The following DNTT variants were observed in gnomAD, a reference collection of about 807,000 sequenced individuals.
DNTT encodes the protein DNA nucleotidylexotransferase, also known as nucleosidetriphosphate:DNA deoxynucleotidylexotransferase.
A neutral mutation model predicts 60.9 loss-of-function variants in DNTT; 47 were observed. That is an observed-to-expected ratio of 0.77 (90% CI 0.61 to 0.98). The LOEUF (loss-of-function observed/expected upper bound fraction) is 0.98, where lower values mean the gene tolerates loss of function less well. DNTT is among the 50% of genes least tolerant of loss of function. The pLI, the probability that DNTT is intolerant of heterozygous loss-of-function variation, is 0.00. For missense variants in DNTT, 665 were observed against 627.5 expected, an observed-to-expected ratio of 1.06 and a Z score of -0.64; for synonymous variants, 224 against 221.2, an observed-to-expected ratio of 1.01 and a Z score of -0.11.
chr10:96,338,354 T>C lies in DNTT; in HGVS notation c.*130T>C. ...TTGAAATGCAGATTGCTACTAGAAA[T>C]AAATAACTTTGGAAACATGGGAAGG... On this transcript the variant is annotated 3_prime_UTR_variant, in exon 11 of 11. Coordinates refer to ENST00000371174, the MANE Select transcript of DNTT (RefSeq NM_004088.4). 1.3e-6 allele frequency: 1 copy of C among 794,680 alleles called. No individual in the cohort carries two copies. The highest frequency in any genetic ancestry group is 2.1e-5 in the South Asian group (1 of 48,562). 49.2% of individuals were successfully genotyped at this position (794,680 alleles called of 1,614,324 possible).
intron 10 of DNTT, among the ~76,000 whole-genome samples, chr10:96,337,191 T>TC (rs918707422): frequency 3.9e-5 from 6 of 152,190 alleles, no homozygotes; most frequent in Admixed American, 1.3e-4. Context: ...GTCCCACTCT[T>TC]CCAGCTACTT....
At chr10:96,333,874 C>T (rs559187828) in intron 9 of DNTT, among the ~76,000 whole-genome samples, 2 of 152,262 alleles carry the variant, frequency 1.3e-5, no homozygotes, top group East Asian at 3.9e-4. Context: ...TACAAAGTTC[C>T]AGTCAGACAG....
chr10:96,309,454 C>G lies in DNTT; in HGVS notation c.203+4754C>G, dbSNP rs372392390. Reference sequence around the variant, plus strand: ...GCATAGCATATATTCCAAGTTTGAACAAGTTTTCTTTAAAAAAAAAAAAAA... The same window carrying G: ...GCATAGCATATATTCCAAGTTTGAAGAAGTTTTCTTTAAAAAAAAAAAAAA... On this transcript the variant is annotated intron_variant, in intron 1 of 10. Coordinates refer to ENST00000371174, the MANE Select transcript of DNTT (RefSeq NM_004088.4). Among the ~76,000 whole-genome samples the G allele has an allele frequency of 7.4e-5, 11 of 149,640 alleles. No homozygotes were observed. The East Asian group carries it at 7.8e-4, about 11-fold the overall frequency.
At chr10:96,330,729 G>T (rs1844997903) in intron 8 of DNTT, among the ~76,000 whole-genome samples, 1 of 152,172 alleles carries the variant, frequency 6.6e-6, no homozygotes, top group African/African-American at 2.4e-5. Context: ...ATTTACCAAT[G>T]ATGCTCAAAG....
intron 1 of DNTT, among the ~76,000 whole-genome samples, chr10:96,310,910 T>C (rs1393410303): frequency 6.6e-6 from 1 of 152,232 alleles, no homozygotes; most frequent in Non-Finnish European, 1.5e-5. Flanking sequence ...TTTTATAAAT[T>C]CAAGAGCATG....
chr10:96,332,250 T>A, intron 8 of DNTT, 101 bp from the exon 9 acceptor site: 1 of 1,520,576 alleles, frequency 6.6e-7, no homozygotes, highest in Non-Finnish European at 8.8e-7. Flanking sequence ...CACATGTCCA[T>A]GTTCTGCTCG....
At chr10:96,327,375 G>A in intron 6 of DNTT, 93 bp from the exon 7 acceptor site, 4 of 1,572,598 alleles carry the variant, frequency 2.5e-6, no homozygotes, top group Admixed American at 1.7e-5. Flanking sequence ...AGTCATGTTA[G>A]CTCTATCGTG....
At chr10:96,322,592 T>C in intron 4 of DNTT, 65 bp from the exon 5 acceptor site, 1 of 1,347,886 alleles carries the variant, frequency 7.4e-7, no homozygotes, top group Non-Finnish European at 1.0e-6. Flanking sequence ...GTCCATGAAT[T>C]TGAGAGTCTT....
At chr10:96,325,663 C>T (rs928537727) in intron 6 of DNTT, among the ~76,000 whole-genome samples, 1 of 152,196 alleles carries the variant, frequency 6.6e-6, no homozygotes, top group Non-Finnish European at 1.5e-5. Flanking sequence ...TTCCATCTAA[C>T]TGTTTAATGC....
chr10:96,320,933 C>A, intron 4 of DNTT, 145 bp downstream of exon 4: 2 of 689,944 alleles, frequency 2.9e-6, no homozygotes, highest in Non-Finnish European at 4.3e-6. Flanking sequence ...CTCTCTCTCT[C>A]CTCTGTCTCT....
intron 1 of DNTT, among the ~76,000 whole-genome samples, chr10:96,305,448 C>T (rs1039013708): frequency 1.3e-5 from 2 of 152,126 alleles, no homozygotes; most frequent in African/African-American, 4.8e-5. Flanking sequence ...GTAAGCTCTT[C>T]ACTGATCTCA....
rs566312687 is a variant in DNTT, at chr10:96,315,370, G to A, written c.204-2982G>A. 1.3e-4 allele frequency among the ~76,000 whole-genome samples: 20 copies of A among 152,222 alleles called. 1 individual carries two copies. The South Asian group carries it at 3.9e-3, about 30-fold the overall frequency. On this transcript the variant is annotated intron_variant, in intron 1 of 10. Transcript: ENST00000371174. ...GGCAACCAATACTGAGCTCTGAGTAGCATTGGCTTAAGAGGTTTTGTTTGA... is the reference window on the plus strand; with the variant it reads ...GGCAACCAATACTGAGCTCTGAGTAACATTGGCTTAAGAGGTTTTGTTTGA...
chr10:96,310,141 C>G (rs185129871), intron 1 of DNTT, among the ~76,000 whole-genome samples: 27 of 152,322 alleles, frequency 1.8e-4, no homozygotes, highest in Admixed American at 1.8e-3. Context: ...TACTACCCCT[C>G]AGGGGCACAC....
At chr10:96,322,778 A>G (rs1222272419) in intron 5 of DNTT, 50 bp downstream of exon 5, 2 of 1,463,938 alleles carry the variant, frequency 1.4e-6, no homozygotes, top group Non-Finnish European at 1.9e-6. Flanking sequence ...AGTTAATCTT[A>G]TTACTTATTC....
At chr10:96,338,050 C>T (rs1564876648) in intron 10 of DNTT, 88 bp from the exon 11 acceptor site, 2 of 1,152,720 alleles carry the variant, frequency 1.7e-6, no homozygotes, top group South Asian at 1.6e-5. Flanking sequence ...TCTGACAAGG[C>T]AATTTTATAA....
chr10:96,335,493 T>C (rs1845056749), intron 9 of DNTT, among the ~76,000 whole-genome samples: 1 of 152,198 alleles, frequency 6.6e-6, no homozygotes, highest in Admixed American at 6.5e-5. Flanking sequence ...GACTCCTCCA[T>C]CCTCTTTTAC....
chr10:96,315,566 C>T (rs1006820488), intron 1 of DNTT, among the ~76,000 whole-genome samples: 4 of 151,938 alleles, frequency 2.6e-5, no homozygotes, highest in Admixed American at 2.6e-4. Flanking sequence ...GGTTCTCACC[C>T]AACAATGTGA....
intron 4 of DNTT, among the ~76,000 whole-genome samples, chr10:96,321,885 A>T (rs1844885211): frequency 6.6e-6 from 1 of 152,208 alleles, no homozygotes; most frequent in African/African-American, 2.4e-5. Context: ...ATATTATCAC[A>T]GCTGGAGCTA....
chr10:96,330,115 A>T (rs1844988726), intron 8 of DNTT, among the ~76,000 whole-genome samples: 1 of 152,182 alleles, frequency 6.6e-6, no homozygotes. Context: ...GGAGATCTAG[A>T]GGTGGCATCA....
Sources: gnomAD v4.1 joint callset for allele counts (sites outside exome capture counted in the v4.1 genomes callset) on GRCh38, gnomAD v4.1.1 for gene constraint, MANE v1.5 for transcripts, NCBI Gene and HGNC (gene_info 2026-07-23, HGNC 2026-07-21) for gene names.